The following ADGRG5 variants were observed in gnomAD, a reference collection of about 807,000 sequenced individuals.
ADGRG5 encodes adhesion G protein-coupled receptor G5, also known as G protein-coupled receptor 114.
In ADGRG5, 37 loss-of-function variants were observed where a neutral mutation model predicts 53.2. The ratio of observed to expected loss-of-function variants is 0.70; its 90% CI spans 0.53 to 0.91. The LOEUF (loss-of-function observed/expected upper bound fraction) is 0.91, where lower values mean the gene tolerates loss of function less well. Among genes scored for constraint, ADGRG5 ranks in the 40% least tolerant of loss-of-function variants. ADGRG5 has a pLI of 0.00. For missense variants in ADGRG5, 614 were observed against 675.8 expected (o/e 0.91, Z 1.01); for synonymous variants, 277 against 290.4 (o/e 0.95, Z 0.47).
the ADGRG5 span, chr16:57,529,223 G>T: frequency 2.5e-5 from 29 of 1,149,502 alleles, no homozygotes; most frequent in Non-Finnish European, 3.0e-5. This position sits in a 1 kb window ranked among gnomAD's most constrained non-coding sequence, Gnocchi z 4.1. Flanking sequence ...GTCGGGCTCA[G>T]GGGCGGCTCC....
At chr16:57,546,155 A>C (rs1464097108) in intron 1 of ADGRG5, among the ~76,000 whole-genome samples, 4 of 151,812 alleles carry the variant, frequency 2.6e-5, no homozygotes, top group Non-Finnish European at 5.9e-5. Flanking sequence ...ACAGGGTCTC[A>C]TTCTGTCACA....
chr16:57,542,473 C>T (rs981633949), upstream of ADGRG5: 3 of 152,610 alleles, frequency 2.0e-5, no homozygotes, highest in Non-Finnish European at 2.9e-5. Context: ...CAGGGCATGA[C>T]CGACAGCTCG....
At chr16:57,548,848 C>T (rs1299936817) in intron 1 of ADGRG5, among the ~76,000 whole-genome samples, 1 of 149,376 alleles carries the variant, frequency 6.7e-6, no homozygotes, top group African/African-American at 2.5e-5. Context: ...GTAAAGGTAT[C>T]ACCATTTAAC....
Position 57,575,313 on chromosome 16 carries a change from C to T in ADGRG5, c.1487-125C>T, listed in dbSNP as rs1462715559. 35 of 996,020 alleles carry T rather than the reference C, an allele frequency of 3.5e-5. No individual in the cohort carries two copies. The Admixed American group carries it at 7.2e-4, about 21-fold the overall frequency. 61.7% of individuals were successfully genotyped at this position (996,020 alleles called of 1,614,324 possible). ...CTCTGAGGCTCTGCCCCTCTGGCCT[C>T]CTACAGTAAGAGATTCTGGGAGTTG... On this transcript the variant is annotated intron_variant, in intron 11 of 11. Transcript: ENST00000349457.
At position 57,562,452 on chromosome 16, in the gene ADGRG5, TC is replaced by T; in HGVS notation, c.135del (p.Ser46LeufsTer12). On this transcript the variant is annotated frameshift_variant, in exon 3 of 12. Coordinates refer to ENST00000349457, the MANE Select transcript of ADGRG5 (RefSeq NM_001304376.3). LOFTEE classifies it high-confidence loss of function. ...QVSRGRSSVF[S>X]SRQLHQLEQM... ...GTCCAGGGGCCGGAGCTCAGTTTTT[TC>T]CTCTCGGTGAGTTGGATGTGCCTCC... 1 of 1,598,678 alleles carries T rather than the reference TC, an allele frequency of 6.3e-7. No individual in the cohort carries two copies.
intron 1 of ADGRG5, 121 bp from the exon 2 acceptor site, chr16:57,561,935 T>G: frequency 2.0e-6 from 1 of 505,330 alleles, no homozygotes; most frequent in Non-Finnish European, 3.5e-6. Flanking sequence ...TCCTCATCTG[T>G]GAAATGCAGG....
At chr16:57,554,298 G>C (rs7196641) in intron 1 of ADGRG5, among the ~76,000 whole-genome samples, 79,691 of 151,432 alleles carry the variant, frequency 0.53, 22,680 homozygotes, top group African/African-American at 0.74. Flanking sequence ...TATTATTGAG[G>C]TTTTCAAATA....
At chr16:57,568,226 C>T in intron 9 of ADGRG5, 102 bp downstream of exon 9, 1 of 1,181,236 alleles carries the variant, frequency 8.5e-7, no homozygotes, top group Non-Finnish European at 1.2e-6. Flanking sequence ...TCATAGTGGC[C>T]ATTACATGAC....
chr16:57,535,205 G>A, the ADGRG5 span, among the ~76,000 whole-genome samples: 1 of 152,230 alleles, frequency 6.6e-6, no homozygotes, highest in African/African-American at 2.4e-5. Context: ...CCTGTGACCT[G>A]CTGCCCAGGA....
chr16:57,574,190 C>G lies in ADGRG5; in HGVS notation c.1209-625C>G, dbSNP rs1045118700. 6.6e-6 allele frequency among the ~76,000 whole-genome samples: 1 copy of G among 152,302 alleles called. No individual in the cohort carries two copies. Among genetic ancestry groups the G allele is most frequent in the South Asian group, 2.1e-4 (1 of 4,830 alleles). ...GAGGGCGTGGGACCGGGGCTGGCTT[C>G]GGTTAGTTCTCCATGGCTCTCTGCT... is the stretch of plus-strand genomic sequence containing the variant. On this transcript the variant is annotated intron_variant, in intron 10 of 11. Coordinates refer to ENST00000349457, the MANE Select transcript of ADGRG5 (RefSeq NM_001304376.3). The surrounding 1 kb of genome is among the most constrained non-coding windows in gnomAD (Gnocchi z 4.4).
intron 10 of ADGRG5, among the ~76,000 whole-genome samples, chr16:57,573,846 C>T (rs12924083): frequency 0.036 from 5,530 of 152,218 alleles, 151 homozygotes; most frequent in South Asian, 0.059. Flanking sequence ...CTCAGCCTCC[C>T]GAGCAGCTGG....
At chr16:57,540,589 C>G (rs949339490), upstream of ADGRG5, among the ~76,000 whole-genome samples, 2 of 152,048 alleles carry the variant, frequency 1.3e-5, no homozygotes, top group Non-Finnish European at 2.9e-5. Context: ...GGCAGAGAAG[C>G]CTTCCTGGAG....
intron 7 of ADGRG5, 30 bp from the exon 8 acceptor site, chr16:57,567,440 C>T (rs1344839255): frequency 6.2e-7 from 1 of 1,602,440 alleles, no homozygotes; most frequent in East Asian, 2.2e-5. Flanking sequence ...TACTATGCTT[C>T]TGGCCTCCAG....
intron 1 of ADGRG5, among the ~76,000 whole-genome samples, chr16:57,561,750 T>C (rs1267237783): frequency 6.6e-6 from 1 of 152,148 alleles, no homozygotes; most frequent in Non-Finnish European, 1.5e-5. Flanking sequence ...TCCCCCTGGG[T>C]AGAGACTGGG....
intron 3 of ADGRG5, 68 bp from the exon 4 acceptor site, chr16:57,563,023 C>G: frequency 6.4e-7 from 1 of 1,558,502 alleles, no homozygotes; most frequent in South Asian, 1.1e-5. Context: ...CCCAGGCTGT[C>G]TACAGCCCCC....
At chr16:57,533,729 C>T in the ADGRG5 span, among the ~76,000 whole-genome samples, 1 of 152,060 alleles carries the variant, frequency 6.6e-6, no homozygotes, top group Non-Finnish European at 1.5e-5. Context: ...AATGCACAGA[C>T]TCACACGCAG....
At chr16:57,540,884 G>A (rs559998445), upstream of ADGRG5, among the ~76,000 whole-genome samples, 1,111 of 152,176 alleles carry the variant, frequency 7.3e-3, 5 homozygotes, top group Admixed American at 0.011. Context: ...TCCACCTCCC[G>A]GGTTTAAGCG....
rs189069062 is a variant in ADGRG5, at chr16:57,543,563, G to A, written c.-39+862G>A. On this transcript the variant is annotated intron_variant, in intron 1 of 11. Coordinates refer to ENST00000349457, the MANE Select transcript of ADGRG5 (RefSeq NM_001304376.3). Reference sequence around the variant, plus strand: ...CTCCCAAAGTGCTGGGATTACAGGCGTGAGCCACCGTTCCTGGCCTGTTAG... The same window carrying A: ...CTCCCAAAGTGCTGGGATTACAGGCATGAGCCACCGTTCCTGGCCTGTTAG... 2.8e-3 allele frequency among the ~76,000 whole-genome samples: 420 copies of A among 152,264 alleles called. 2 individuals carry two copies. Among genetic ancestry groups the A allele is most frequent in the African/African-American group, 8.5e-3 (355 of 41,560 alleles).
chr16:57,567,559 G>A lies in ADGRG5; in HGVS notation c.789G>A (p.Ser263=), dbSNP rs368136947. ...GCTGCAGCATCTCCATCGTGGCCTC[G>A]CTGATCACAGTCCTGCTGCACTTCC... is the stretch of plus-strand genomic sequence containing the variant. ...LVGCSISIVA[S]LITVLLHFHF... The change falls in exon 8 of 12, where the codon TCG becomes TCA. Residue 263 remains serine, a synonymous_variant. Transcript: ENST00000349457. The A allele has an allele frequency of 2.6e-5, 42 of 1,611,318 alleles. No individual in the cohort carries two copies. Among genetic ancestry groups the A allele is most frequent in the Middle Eastern group, 1.6e-4 (1 of 6,082 alleles).
Sources: allele counts gnomAD v4.1 joint callset (sites outside exome capture counted in the v4.1 genomes callset), GRCh38; gene constraint gnomAD v4.1.1; non-coding constraint Gnocchi (gnomAD v3.1); transcripts MANE v1.5; gene names NCBI Gene and HGNC (gene_info 2026-07-23, HGNC 2026-07-21).